Variants in MYO1G observed in about 807,000 individuals in gnomAD.
MYO1G encodes unconventional myosin-Ig.
A neutral mutation model predicts 115.3 loss-of-function variants in MYO1G; 65 were observed. The ratio of observed to expected loss-of-function variants is 0.56; its 90% CI spans 0.46 to 0.69. MYO1G has a LOEUF of 0.69. MYO1G is among the 30% of genes least tolerant of loss of function. The pLI is 0.00. For synonymous variants in MYO1G, 510 were observed against 552.6 expected (o/e 0.92, Z 1.08); for missense variants, 1,204 against 1,393.5 (o/e 0.86, Z 2.16).
In MYO1G at chr7:44,975,166, G is replaced by A. The variant is rs772681210; in HGVS notation, c.618+8C>T. The A allele has an allele frequency of 6.2e-7, 1 of 1,614,012 alleles. No homozygotes were observed. On this transcript the variant is annotated splice_region_variant and intron_variant, in intron 5 of 21. Transcript: ENST00000258787. ...ATTTTTCCACCTCCCCTTGCCCTCA[G>A]GGCTTACTTGGTAGAAGGCGTGGAA...
rs990336946 is a variant in MYO1G, at chr7:44,963,699, A to G, written c.2745+350T>C. ...AAGGTTCCGGAGTGGCCGGGACGGT[A>G]TCCCACAGGAGGCCCAGAACATTGT... On this transcript the variant is annotated intron_variant, in intron 20 of 21. Coordinates refer to ENST00000258787, the MANE Select transcript of MYO1G (RefSeq NM_033054.3). The surrounding 1 kb of genome is among the most constrained non-coding windows in gnomAD (Gnocchi z 4.1). 4 of 280,570 alleles carry G rather than the reference A, an allele frequency of 1.4e-5. No individual in the cohort carries two copies. Among genetic ancestry groups the G allele is most frequent in the Non-Finnish European group, 2.0e-5 (3 of 148,956 alleles). The allele number at this position is 280,570 out of a possible 1,614,324, so 17.4% of individuals were successfully genotyped here. A position where few individuals can be genotyped will look rare whatever the true frequency, so the allele number is the denominator to read the frequency against.
intron 1 of MYO1G, among the ~76,000 whole-genome samples, chr7:44,978,047 G>A (rs1310434300): frequency 2.0e-5 from 3 of 152,316 alleles, no homozygotes; most frequent in Middle Eastern, 3.4e-3. Flanking sequence ...CTTAGCTCAC[G>A]TCCTGGCTAG....
At chr7:44,974,115 A>G (rs1795006864) in intron 5 of MYO1G, 1 of 150,204 alleles carries the variant, frequency 6.7e-6, no homozygotes, top group South Asian at 2.1e-4. Context: ...GAGTCCTTAC[A>G]GACACTGCTG....
chr7:44,969,315 C>T lies in MYO1G; in HGVS notation c.1574+98G>A. 8.3e-7 allele frequency: 1 copy of T among 1,200,450 alleles called. No individual in the cohort carries two copies. 74.4% of individuals were successfully genotyped at this position (1,200,450 alleles called of 1,614,324 possible). A position where few individuals can be genotyped will look rare whatever the true frequency, so the allele number is the denominator to read the frequency against. On this transcript the variant is annotated intron_variant, in intron 12 of 21. Transcript: ENST00000258787. The surrounding 1 kb of genome is among the most constrained non-coding windows in gnomAD (Gnocchi z 5.0). ...GGGGGTGGCAGAAGTGGCCATAACA[C>T]CTGTCTCCGAGCCACTCCCCTGAAG...
At chr7:44,972,093 C>A (rs1794968872) in intron 6 of MYO1G, 22 bp downstream of exon 6, 2 of 1,583,340 alleles carry the variant, frequency 1.3e-6, no homozygotes, top group Non-Finnish European at 1.7e-6. Flanking sequence ...CAGTTTGAGC[C>A]CTTGGTGCCC....
At chr7:44,974,754 T>C (rs1795016546) in intron 5 of MYO1G, 1 of 216,108 alleles carries the variant, frequency 4.6e-6, no homozygotes, top group African/African-American at 2.2e-5. Context: ...AGACAGTCCC[T>C]GGGCGCGCCT....
rs763711119 is a variant in MYO1G, at chr7:44,962,903, A to C, written c.2901-8T>G. 1 of 1,489,896 alleles carries C rather than the reference A, an allele frequency of 6.7e-7. No homozygotes were observed. The highest frequency in any genetic ancestry group is 2.3e-5 in the Admixed American group (1 of 42,808). The allele number at this position is 1,489,896 out of a possible 1,614,324, so 92.3% of individuals were successfully genotyped here. ...TCCAGGGTGCGGCCCTCCCTGCGGC[A>C]GGAGGAGGGGTCAGGGCGGCCACGC... On this transcript the variant is annotated splice_region_variant and splice_polypyrimidine_tract_variant and intron_variant, in intron 21 of 21. Transcript: ENST00000258787. The surrounding 1 kb of genome is among the most constrained non-coding windows in gnomAD (Gnocchi z 5.3).
Position 44,966,918 on chromosome 7 carries a change from C to T in MYO1G, c.1783-80G>A, listed in dbSNP as rs1265281171. The T allele has an allele frequency of 7.1e-7, 1 of 1,402,646 alleles. No individual in the cohort carries two copies. Among genetic ancestry groups the T allele is most frequent in the African/African-American group, 1.4e-5 (1 of 69,614 alleles). 86.9% of individuals were successfully genotyped at this position (1,402,646 alleles called of 1,614,324 possible). ...TGCCCCACACCAGGGGCTTCCTAACCCCTCAAGGTCCCAGGCCAGGAGAAG... is the reference window on the plus strand; with the variant it reads ...TGCCCCACACCAGGGGCTTCCTAACTCCTCAAGGTCCCAGGCCAGGAGAAG... On this transcript the variant is annotated intron_variant, in intron 14 of 21. Transcript: ENST00000258787. This position sits in a 1 kb window ranked among gnomAD's most constrained non-coding sequence, Gnocchi z 5.0.
rs943611756 is a variant in MYO1G, at chr7:44,962,663, G to A, written c.*76C>T. The A allele has an allele frequency of 1.9e-5, 27 of 1,394,612 alleles. No individual in the cohort carries two copies. The highest frequency in any genetic ancestry group is 2.5e-5 in the Non-Finnish European group (27 of 1,078,748). The allele number at this position is 1,394,612 out of a possible 1,614,324, so 86.4% of individuals were successfully genotyped here. On this transcript the variant is annotated 3_prime_UTR_variant, in exon 22 of 22. Transcript: ENST00000258787. The surrounding 1 kb of genome is among the most constrained non-coding windows in gnomAD (Gnocchi z 5.3). Reference sequence around the variant, plus strand: ...TGAGGCGGGAGCGGCGAGCAGGAGGGCTGACTCAGAAGGTTTATTTGCAGC... The same window carrying A: ...TGAGGCGGGAGCGGCGAGCAGGAGGACTGACTCAGAAGGTTTATTTGCAGC...
Position 44,966,231 on chromosome 7 carries a change from C to G in MYO1G, c.1999G>C (p.Asp667His), listed in dbSNP as rs199839026. Reference sequence around the variant, plus strand: ...AGGAGAGCGCTCACGGCTGCCTTGTCGGAGCCCAGCAGGTGGTTGGGCCAT... The same window carrying G: ...AGGAGAGCGCTCACGGCTGCCTTGTGGGAGCCCAGCAGGTGGTTGGGCCAT... ...YTWPNHLLGSDKAAVSALLEQ... is the reference protein window; with the variant it reads ...YTWPNHLLGSHKAAVSALLEQ... Residue 667 changes from aspartate to histidine, a missense_variant, in exon 16 of 22, where the codon GAC becomes CAC. Physicochemically the swap from Asp to His is moderately conservative, Grantham distance 81. Transcript: ENST00000258787. This position sits in a 1 kb window ranked among gnomAD's most constrained non-coding sequence, Gnocchi z 5.0. 4 of 1,611,850 alleles carry G rather than the reference C, an allele frequency of 2.5e-6. No homozygotes were observed. Among genetic ancestry groups the G allele is most frequent in the Non-Finnish European group, 3.4e-6 (4 of 1,179,616 alleles).
In MYO1G at chr7:44,967,707, C is replaced by CG. The variant is rs1794872005; in HGVS notation, c.1679dup (p.Asp561GlyfsTer46). On this transcript the variant is annotated frameshift_variant, in exon 14 of 22. Coordinates refer to ENST00000258787, the MANE Select transcript of MYO1G (RefSeq NM_033054.3). LOFTEE classifies it high-confidence loss of function. ...CCTCTGTGATGTCCTGCTGCCCGTC[C>CG]GGCCACATGGCCCGTAGAGTGGGGT... 2 of 1,613,548 alleles carry CG rather than the reference C, an allele frequency of 1.2e-6. No individual in the cohort carries two copies. The highest frequency in any genetic ancestry group is 1.3e-5 in the African/African-American group (1 of 74,934).
chr7:44,977,721 C>A (rs571659737), intron 1 of MYO1G, among the ~76,000 whole-genome samples: 8 of 151,782 alleles, frequency 5.3e-5, no homozygotes, highest in African/African-American at 1.9e-4. Flanking sequence ...CTTCTCTTGA[C>A]CTTTCTGCCC....
chr7:44,969,670 G>C lies in MYO1G; in HGVS notation c.1503+35C>G, dbSNP rs1390623644. On this transcript the variant is annotated intron_variant, in intron 11 of 21. Transcript: ENST00000258787. This position sits in a 1 kb window ranked among gnomAD's most constrained non-coding sequence, Gnocchi z 5.0. ...GGTGCCTGTGGGGCAGGTCCCACCA[G>C]CCCACTGTGGTGGCACTGGGACAGC... 2 of 1,606,846 alleles carry C rather than the reference G, an allele frequency of 1.2e-6. No individual in the cohort carries two copies. Among genetic ancestry groups the C allele is most frequent in the South Asian group, 2.2e-5 (2 of 90,760 alleles).
rs1185353449 is a variant in MYO1G, at chr7:44,963,960, CAG to C, written c.2745+87_2745+88del. 5.5e-6 allele frequency: 6 copies of C among 1,090,240 alleles called. No individual in the cohort carries two copies. The African/African-American group carries it at 6.2e-5, about 11-fold the overall frequency. The allele number at this position is 1,090,240 out of a possible 1,614,324, so 67.5% of individuals were successfully genotyped here. ...GATGGTCTGGGCCATCTCAGGTAAA[CAG>C]GGGAGAGAAGACTGAGGCAGGACTC... is the stretch of plus-strand genomic sequence containing the variant. On this transcript the variant is annotated intron_variant, in intron 20 of 21. Coordinates refer to ENST00000258787, the MANE Select transcript of MYO1G (RefSeq NM_033054.3). This position sits in a 1 kb window ranked among gnomAD's most constrained non-coding sequence, Gnocchi z 4.1.
rs999540867 is a variant in MYO1G at position 44,964,226 on chromosome 7, C to T, written c.2632-64G>A. On this transcript the variant is annotated intron_variant, in intron 19 of 21. Transcript: ENST00000258787. The surrounding 1 kb of genome is among the most constrained non-coding windows in gnomAD (Gnocchi z 5.1). Reference sequence around the variant, plus strand: ...TGTCACCCACCAGGGCCCCAGGCTTCGGCAGTCCCTACTGCCTCCCCTCCC... The same window carrying T: ...TGTCACCCACCAGGGCCCCAGGCTTTGGCAGTCCCTACTGCCTCCCCTCCC... The T allele has an allele frequency of 8.3e-6, 12 of 1,445,118 alleles. No homozygotes were observed. Among genetic ancestry groups the T allele is most frequent in the African/African-American group, 4.2e-5 (3 of 71,074 alleles). 89.5% of individuals were successfully genotyped at this position (1,445,118 alleles called of 1,614,324 possible).
Position 44,969,967 on chromosome 7 carries a change from C to T in MYO1G, c.1332+73G>A. On this transcript the variant is annotated intron_variant, in intron 10 of 21. Transcript: ENST00000258787. The surrounding 1 kb of genome is among the most constrained non-coding windows in gnomAD (Gnocchi z 5.0). ...ACACTCAGCCACCTGTCAGGCCAGC[C>T]CGGGCCCCTCCCCATGGGCTGAGGC... The T allele has an allele frequency of 6.3e-7, 1 of 1,593,588 alleles. No homozygotes were observed. The highest frequency in any genetic ancestry group is 8.6e-7 in the Non-Finnish European group (1 of 1,167,290).
intron 1 of MYO1G, among the ~76,000 whole-genome samples, chr7:44,977,800 C>G (rs996659074): frequency 5.9e-5 from 9 of 152,156 alleles, no homozygotes; most frequent in African/African-American, 1.9e-4. Context: ...CCACCCTTCC[C>G]TGGATGGCCC....
Position 44,963,126 on chromosome 7 carries a change from T to C in MYO1G, c.2746-2A>G. The C allele has an allele frequency of 6.8e-7, 1 of 1,460,596 alleles. No homozygotes were observed. Among genetic ancestry groups the C allele is most frequent in the South Asian group, 1.3e-5 (1 of 76,096 alleles). The allele number at this position is 1,460,596 out of a possible 1,614,324, so 90.5% of individuals were successfully genotyped here. On this transcript the variant is annotated splice_acceptor_variant, in intron 20 of 21. Transcript: ENST00000258787. LOFTEE classifies it high-confidence loss of function. This position sits in a 1 kb window ranked among gnomAD's most constrained non-coding sequence, Gnocchi z 4.1. The stretch of plus-strand genomic sequence containing the variant: ...GCTGGTCACGCTCAGCCCCGTCACC[T>C]GAGCGGAGCGCGGGGTCAGAGTGCA...
Position 44,970,671 on chromosome 7 carries a change from G to T in MYO1G, c.1138C>A (p.Arg380=), listed in dbSNP as rs200247779. Residue 380 remains arginine (R), a synonymous_variant, in exon 9 of 22, where the codon CGG becomes AGG. Transcript: ENST00000258787. The part of the protein sequence containing the change: ...RINSVMEPRG[R]DPRRDGKDTV... ...TCCTTGCCATCACGCCGAGGATCCC[G>T]GCCCCGGGGTTCCATGACACTGTTG... 5 of 1,613,850 alleles carry T rather than the reference G, an allele frequency of 3.1e-6. No individual in the cohort carries two copies. The highest frequency in any genetic ancestry group is 4.2e-6 in the Non-Finnish European group (5 of 1,180,046).
Sources: gnomAD v4.1 joint callset for allele counts (sites outside exome capture counted in the v4.1 genomes callset) on GRCh38, gnomAD v4.1.1 for gene constraint, Gnocchi (gnomAD v3.1) non-coding constraint, MANE v1.5 for transcripts, NCBI Gene and HGNC (gene_info 2026-07-23, HGNC 2026-07-21) for gene names.